Variants in AGBL4 observed in about 807,000 individuals in gnomAD.
The protein encoded by AGBL4 is AGBL carboxypeptidase 4.
A neutral mutation model predicts 66.4 loss-of-function variants in AGBL4; 58 were observed. That is an observed-to-expected ratio of 0.87 (90% CI 0.71 to 1.09). The LOEUF is 1.09. Ranked by LOEUF, AGBL4 falls within the 50% of genes least tolerant of loss-of-function variation. AGBL4 has a pLI of 0.00. For synonymous variants in AGBL4, 234 were observed against 222.9 expected, an observed-to-expected ratio of 1.05 and a Z score of -0.44; for missense variants, 579 against 631.0, an observed-to-expected ratio of 0.92 and a Z score of 0.88.
intron 6 of AGBL4, among the ~76,000 whole-genome samples, chr1:48,691,598 C>A (rs1222029678): frequency 2.0e-5 from 3 of 151,916 alleles, no homozygotes; most frequent in African/African-American, 4.8e-5. Context: ...GGGTTGGAGA[C>A]CTCTGAGTAT....
intron 1 of AGBL4, among the ~76,000 whole-genome samples, chr1:49,950,396 G>A (rs1656052667): frequency 6.6e-6 from 1 of 151,110 alleles, no homozygotes; most frequent in South Asian, 2.1e-4. Context: ...GCACTTCGTG[G>A]ATTCAGGGGG....
chr1:49,967,125 A>G (rs1657629910), intron 1 of AGBL4, among the ~76,000 whole-genome samples: 1 of 152,174 alleles, frequency 6.6e-6, no homozygotes, highest in Admixed American at 6.5e-5. Context: ...TCCCACCAAC[A>G]GTGTAAAAGC....
chr1:49,658,125 C>A (rs10888664), intron 3 of AGBL4, among the ~76,000 whole-genome samples: 124,583 of 152,054 alleles, frequency 0.82, 51,796 homozygotes, highest in African/African-American at 0.96. Context: ...AACGGCTAAT[C>A]TCCAGAATCT....
intron 3 of AGBL4, among the ~76,000 whole-genome samples, chr1:49,308,360 T>C (rs1235053427): frequency 6.6e-6 from 1 of 152,172 alleles, no homozygotes; most frequent in Non-Finnish European, 1.5e-5. Context: ...AATGTAGATA[T>C]ATAAGATAGT....
intron 3 of AGBL4, among the ~76,000 whole-genome samples, chr1:49,278,032 T>C (rs995110595): frequency 6.6e-6 from 1 of 152,234 alleles, no homozygotes; most frequent in South Asian, 2.1e-4. Flanking sequence ...AAGAAAAGTA[T>C]TCATATTTCC....
intron 5 of AGBL4, among the ~76,000 whole-genome samples, chr1:48,929,809 A>ATTTC (rs1186539921): frequency 6.6e-6 from 1 of 152,084 alleles, no homozygotes; most frequent in Non-Finnish European, 1.5e-5. Flanking sequence ...ATCGGGACTC[A>ATTTC]TTTCTTTCTT....
chr1:49,528,854 T>C (rs1376136514), intron 3 of AGBL4, among the ~76,000 whole-genome samples: 1 of 152,062 alleles, frequency 6.6e-6, no homozygotes, highest in Non-Finnish European at 1.5e-5. Flanking sequence ...AAATTACAAG[T>C]AGTTCTTTAC....
rs528553783 is a variant in AGBL4, at chr1:48,665,685, CATTTACA to C, written c.635-2451_635-2445del. On this transcript the variant is annotated intron_variant, in intron 6 of 13. Transcript: ENST00000371839. ...TAAGATTCCACTTCTGCTGCATTTCCATTTACAATTTACACAAGAGAATTTCATTTTA... is the reference window on the plus strand; with the variant it reads ...TAAGATTCCACTTCTGCTGCATTTCCATTTACACAAGAGAATTTCATTTTA... Among the ~76,000 whole-genome samples the C allele has an allele frequency of 2.2e-3, 336 of 152,272 alleles. 1 individual carries two copies. Among genetic ancestry groups the C allele is most frequent in the African/African-American group, 7.8e-3 (323 of 41,544 alleles).
rs372371017 is a variant in AGBL4 at position 49,078,632 on chromosome 1, C to G, written c.378-32832G>C. ...TCACTAGCTCTCCCCTAGACCACTG[C>G]AGATACCTCTTTACTGGTCTCCTTT... is the stretch of plus-strand genomic sequence containing the variant. On this transcript the variant is annotated intron_variant, in intron 4 of 13. Coordinates refer to ENST00000371839, the MANE Select transcript of AGBL4 (RefSeq NM_032785.4). Among the ~76,000 whole-genome samples, 49 of 152,314 alleles carry G rather than the reference C, an allele frequency of 3.2e-4. 1 individual carries two copies. In the South Asian group the frequency reaches 9.5e-3, roughly 30 times the overall value.
chr1:49,943,195 A>T (rs1161623631), intron 1 of AGBL4, among the ~76,000 whole-genome samples: 1 of 152,180 alleles, frequency 6.6e-6, no homozygotes, highest in Non-Finnish European at 1.5e-5. Context: ...GAAGAAAAGG[A>T]AATCCTTGTG....
chr1:49,865,551 A>G (rs2148097284), intron 1 of AGBL4, among the ~76,000 whole-genome samples: 1 of 152,252 alleles, frequency 6.6e-6, no homozygotes, highest in African/African-American at 2.4e-5. Context: ...ACAAACAGAA[A>G]ATAAGAACAA....
At chr1:49,204,234 C>A (rs557705703) in intron 4 of AGBL4, among the ~76,000 whole-genome samples, 26 of 152,138 alleles carry the variant, frequency 1.7e-4, no homozygotes, top group African/African-American at 6.0e-4. Flanking sequence ...GGAGTATAAC[C>A]TTTATTCCAT....
At position 49,958,881 on chromosome 1, in the gene AGBL4, C is replaced by A. The variant is rs147541337; in HGVS notation, c.34+64882G>T. Reference sequence around the variant, plus strand: ...AAATTTAAAAAAAGAAAATTAAAGCCGATCATGGATCACTTCTGACAAAGT... The same window carrying A: ...AAATTTAAAAAAAGAAAATTAAAGCAGATCATGGATCACTTCTGACAAAGT... On this transcript the variant is annotated intron_variant, in intron 1 of 13. Coordinates refer to ENST00000371839, the MANE Select transcript of AGBL4 (RefSeq NM_032785.4). 2.8e-3 allele frequency among the ~76,000 whole-genome samples: 424 copies of A among 151,004 alleles called. 3 individuals are homozygous for A. The highest frequency in any genetic ancestry group is 0.01 in the South Asian group (48 of 4,740).
chr1:48,671,956 G>A (rs1056992015), intron 6 of AGBL4, among the ~76,000 whole-genome samples: 2 of 152,206 alleles, frequency 1.3e-5, no homozygotes, highest in Non-Finnish European at 2.9e-5. Context: ...ACCAGGTTTA[G>A]TTTCAGGCTT....
chr1:49,386,010 T>C (rs1350220124), intron 3 of AGBL4, among the ~76,000 whole-genome samples: 1 of 152,076 alleles, frequency 6.6e-6, no homozygotes, highest in Non-Finnish European at 1.5e-5. Flanking sequence ...TAGTTAATGC[T>C]GTGGTAAACT....
chr1:48,578,799 G>C (rs1362868364), intron 11 of AGBL4, among the ~76,000 whole-genome samples: 1 of 152,110 alleles, frequency 6.6e-6, no homozygotes, highest in African/African-American at 2.4e-5. Flanking sequence ...TATCTACCTA[G>C]TATCAGGCTT....
intron 3 of AGBL4, among the ~76,000 whole-genome samples, chr1:49,693,154 A>C (rs1039854859): frequency 1.3e-5 from 2 of 152,202 alleles, no homozygotes; most frequent in African/African-American, 4.8e-5. Context: ...CAAATAAAGG[A>C]ATCTTATTCA....
intron 6 of AGBL4, among the ~76,000 whole-genome samples, chr1:48,754,281 G>A (rs780935150): frequency 6.6e-6 from 1 of 152,096 alleles, no homozygotes; most frequent in Non-Finnish European, 1.5e-5. Context: ...CTATTGTTCT[G>A]CTTCCCTTCA....
intron 3 of AGBL4, among the ~76,000 whole-genome samples, chr1:49,484,245 A>G (rs1223700987): frequency 6.6e-6 from 1 of 151,960 alleles, no homozygotes; most frequent in African/African-American, 2.4e-5. Context: ...TCCCTCTCCT[A>G]GGTATATATT....
Sources: allele counts gnomAD v4.1 joint callset (sites outside exome capture counted in the v4.1 genomes callset), GRCh38; gene constraint gnomAD v4.1.1; transcripts MANE v1.5; gene names NCBI Gene and HGNC (gene_info 2026-07-23, HGNC 2026-07-21).